The following TBCD variants were observed in gnomAD, a reference collection of about 807,000 sequenced individuals.
TBCD encodes the protein tubulin folding cofactor D, also known as tubulin-specific chaperone D.
Under a neutral mutation model 169.3 loss-of-function variants are expected in TBCD, and 105 were observed. The ratio of observed to expected loss-of-function variants is 0.62; its 90% CI spans 0.53 to 0.73. The LOEUF is 0.73. Ranked by LOEUF, TBCD falls within the 30% of genes least tolerant of loss-of-function variation. The probability of loss-of-function intolerance (pLI) is 0.00; values close to 1 mark genes in which losing one functional copy is unlikely to be tolerated. For missense variants in TBCD, 1,444 were observed against 1,600.1 expected, an observed-to-expected ratio of 0.90 and a Z score of 1.66; for synonymous variants, 700 against 643.9, an observed-to-expected ratio of 1.09 and a Z score of -1.32.
intron 17 of TBCD, among the ~76,000 whole-genome samples, chr17:82,896,460 T>G (rs1444293206): frequency 7.1e-6 from 1 of 141,504 alleles, no homozygotes; most frequent in East Asian, 2.0e-4. Flanking sequence ...TCAGTTTTTT[T>G]TTTTTTTTTT....
At chr17:82,758,868 C>T (rs2047598938) in intron 2 of TBCD, among the ~76,000 whole-genome samples, 1 of 151,828 alleles carries the variant, frequency 6.6e-6, no homozygotes, top group Non-Finnish European at 1.5e-5. Context: ...ACCATGTTGG[C>T]CAGGCTGGTC....
At chr17:82,939,209 C>T in intron 36 of TBCD, 158 bp from the exon 37 acceptor site, 1 of 668,776 alleles carries the variant, frequency 1.5e-6, no homozygotes, top group Non-Finnish European at 2.7e-6. Flanking sequence ...GGCACCTCCT[C>T]TTGGTTGCAG....
chr17:82,758,258 C>T (rs979036426), intron 2 of TBCD, among the ~76,000 whole-genome samples: 10 of 151,142 alleles, frequency 6.6e-5, no homozygotes, highest in East Asian at 2.0e-4. Context: ...GTGTGGTGCA[C>T]GCCTGTAATC....
chr17:82,755,398 C>T (rs1292192304), intron 1 of TBCD, among the ~76,000 whole-genome samples: 1 of 152,120 alleles, frequency 6.6e-6, no homozygotes, highest in African/African-American at 2.4e-5. Context: ...GTAGCTTTTC[C>T]CAGCAAGAGA....
chr17:82,761,982 C>T (rs888599716), intron 2 of TBCD, among the ~76,000 whole-genome samples: 1 of 151,738 alleles, frequency 6.6e-6, no homozygotes, highest in African/African-American at 2.4e-5. Flanking sequence ...CCGCCTCAGC[C>T]TTCCAAAGTG....
Position 82,923,548 on chromosome 17 carries a change from C to T in TBCD, c.2179-104C>T, listed in dbSNP as rs1205811713. 10 of 930,018 alleles carry T rather than the reference C, an allele frequency of 1.1e-5. No individual in the cohort carries two copies. The East Asian group carries it at 2.7e-4, about 25-fold the overall frequency. 57.6% of individuals were successfully genotyped at this position (930,018 alleles called of 1,614,324 possible). A position where few individuals can be genotyped will look rare whatever the true frequency, so the allele number is the denominator to read the frequency against. ...CTGACCTCAGGGTGACCACGGTGTC[C>T]CTGGTCAGGTGCTTCTCCGACTTCA... On this transcript the variant is annotated intron_variant, in intron 25 of 38. Transcript: ENST00000355528. This position sits in a 1 kb window ranked among gnomAD's most constrained non-coding sequence, Gnocchi z 4.6.
chr17:82,939,754 T>G (rs1204987779), intron 37 of TBCD, among the ~76,000 whole-genome samples: 3 of 152,200 alleles, frequency 2.0e-5, no homozygotes, highest in Non-Finnish European at 4.4e-5. Context: ...CAAGGCTGTG[T>G]CTGGTGGCCT....
intron 2 of TBCD, 116 bp downstream of exon 2, chr17:82,756,331 C>T: frequency 9.1e-7 from 1 of 1,098,632 alleles, no homozygotes; most frequent in South Asian, 1.4e-5. Context: ...AGAAGTGTCC[C>T]TGTCTTGCTT....
intron 9 of TBCD, among the ~76,000 whole-genome samples, chr17:82,803,077 G>C (rs1476508909): frequency 6.6e-6 from 1 of 152,114 alleles, no homozygotes; most frequent in Admixed American, 6.5e-5. Flanking sequence ...GATTTTCGTT[G>C]TCTCTGTTAG....
intron 2 of TBCD, 40 bp downstream of exon 2, chr17:82,756,255 G>A (rs2047394638): frequency 6.3e-7 from 1 of 1,577,034 alleles, no homozygotes; most frequent in African/African-American, 1.4e-5. Context: ...TTCAGTTACA[G>A]ATGACCACGG....
chr17:82,905,358 G>A (rs1034449587), intron 19 of TBCD, among the ~76,000 whole-genome samples: 1 of 152,376 alleles, frequency 6.6e-6, no homozygotes, highest in African/African-American at 2.4e-5. Context: ...CGCAGCCTCC[G>A]TCCTGTTGCC....
intron 22 of TBCD, among the ~76,000 whole-genome samples, chr17:82,910,452 C>A (rs754967470): frequency 8.5e-5 from 13 of 152,290 alleles, no homozygotes; most frequent in Non-Finnish European, 1.9e-4. Context: ...AAAATTTTAT[C>A]GTCTGTCTTA....
At chr17:82,817,957 T>G (rs770261204) in intron 13 of TBCD, among the ~76,000 whole-genome samples, 4 of 152,200 alleles carry the variant, frequency 2.6e-5, no homozygotes, top group Non-Finnish European at 5.9e-5. Context: ...TGAGGGTGTG[T>G]GTGTGAATGT....
intron 34 of TBCD, among the ~76,000 whole-genome samples, chr17:82,936,725 G>A (rs150513260): frequency 2.6e-5 from 4 of 152,258 alleles, no homozygotes; most frequent in Admixed American, 2.6e-4. Context: ...AGGGAGGTGC[G>A]CACCTTCTCC....
intron 33 of TBCD, among the ~76,000 whole-genome samples, chr17:82,931,320 G>A (rs1007680930): frequency 6.6e-6 from 1 of 152,222 alleles, no homozygotes; most frequent in Non-Finnish European, 1.5e-5. Context: ...CACATAAAGG[G>A]GCAGTTCGAT....
intron 22 of TBCD, among the ~76,000 whole-genome samples, chr17:82,910,152 GCTGA>G (rs1599463426): frequency 2.0e-5 from 3 of 152,358 alleles, no homozygotes; most frequent in South Asian, 2.1e-4. Flanking sequence ...ACGTTTCCTG[GCTGA>G]CTACCAGGAG....
At chr17:82,852,163 C>T (rs544755618) in intron 13 of TBCD, among the ~76,000 whole-genome samples, 1 of 138,914 alleles carries the variant, frequency 7.2e-6, no homozygotes, top group African/African-American at 2.6e-5. Context: ...ATAAACCCCC[C>T]CTCCTAGACA....
At chr17:82,818,091 C>G (rs923977104) in intron 13 of TBCD, among the ~76,000 whole-genome samples, 1 of 152,162 alleles carries the variant, frequency 6.6e-6, no homozygotes, top group Non-Finnish European at 1.5e-5. Context: ...ATGCACTGAC[C>G]CCAGGCAGCT....
Position 82,831,865 on chromosome 17 carries a change from T to C in TBCD, c.1318+16931T>C. The C allele has an allele frequency of 6.2e-7, 1 of 1,614,162 alleles. No individual in the cohort carries two copies. The highest frequency in any genetic ancestry group is 1.3e-5 in the African/African-American group (1 of 75,036). On this transcript the variant is annotated intron_variant, in intron 13 of 38. Transcript: ENST00000355528. The surrounding 1 kb of genome is among the most constrained non-coding windows in gnomAD (Gnocchi z 4.6). Reference sequence around the variant, plus strand: ...GTAGCCAGGAGTGTGGAAGGCCGACTTGGTGTGGAAAGACACGGCCTTGGC... The same window carrying C: ...GTAGCCAGGAGTGTGGAAGGCCGACCTGGTGTGGAAAGACACGGCCTTGGC...
Sources: gnomAD v4.1 joint callset for allele counts (sites outside exome capture counted in the v4.1 genomes callset) on GRCh38, gnomAD v4.1.1 for gene constraint, Gnocchi (gnomAD v3.1) non-coding constraint, MANE v1.5 for transcripts, NCBI Gene and HGNC (gene_info 2026-07-23, HGNC 2026-07-21) for gene names.